Variants in ERBB4 observed in about 807,000 individuals in gnomAD.
ERBB4 encodes the protein receptor tyrosine-protein kinase erbB-4.
ERBB4 carries 42 observed loss-of-function variants against 158.0 expected under a neutral mutation model. The ratio of observed to expected loss-of-function variants is 0.27; its 90% CI spans 0.21 to 0.34. ERBB4 has a LOEUF of 0.34. Ranked by LOEUF, ERBB4 falls within the 10% of genes least tolerant of loss-of-function variation. The pLI, the probability that ERBB4 is intolerant of heterozygous loss-of-function variation, is 1.00. For synonymous variants in ERBB4, 583 were observed against 558.7 expected (o/e 1.04, Z -0.61); for missense variants, 1,333 against 1,624.1 (o/e 0.82, Z 3.08).
intron 7 of ERBB4, among the ~76,000 whole-genome samples, chr2:211,716,478 C>G (rs2073910802): frequency 6.6e-6 from 1 of 151,028 alleles, no homozygotes; most frequent in African/African-American, 2.4e-5. Context: ...AGATCGAGAC[C>G]ATCCCGGCTA....
At chr2:211,607,625 T>C (rs879416567) in intron 19 of ERBB4, among the ~76,000 whole-genome samples, 1 of 152,130 alleles carries the variant, frequency 6.6e-6, no homozygotes, top group African/African-American at 2.4e-5. Flanking sequence ...CTCATTTTTT[T>C]TCTAATCACA....
Position 211,377,279 on chromosome 2 carries a change from T to C in ERBB4, c.*6336A>G, listed in dbSNP as rs2062492218. On this transcript the variant is annotated 3_prime_UTR_variant, in exon 28 of 28. Transcript: ENST00000342788. ...GATTTGCTTTCCTTCACAAAGGCTA[T>C]AGGCCTGGGGGAAATATCTACGCAT... 1 of 233,228 alleles carries C rather than the reference T, an allele frequency of 4.3e-6. No individual in the cohort carries two copies. The highest frequency in any genetic ancestry group is 6.0e-5 in the East Asian group (1 of 16,548). The allele number at this position is 233,228 out of a possible 1,614,324, so 14.4% of individuals were successfully genotyped here. A position where few individuals can be genotyped will look rare whatever the true frequency, so the allele number is the denominator to read the frequency against.
chr2:212,142,706 A>G (rs2080525369), intron 1 of ERBB4, among the ~76,000 whole-genome samples: 2 of 151,326 alleles, frequency 1.3e-5, no homozygotes, highest in South Asian at 4.1e-4. Context: ...AACGTTAGAG[A>G]CAGAAATGGA....
intron 1 of ERBB4, among the ~76,000 whole-genome samples, chr2:212,395,672 T>G (rs912417933): frequency 7.2e-6 from 1 of 139,198 alleles, no homozygotes; most frequent in Non-Finnish European, 1.5e-5. Context: ...CAATCTGGAG[T>G]GCAGTGGCAC....
rs1455486832 is a variant in ERBB4 at position 211,424,300 on chromosome 2, T to G, written c.2721A>C (p.Gly907=). Reference sequence around the variant, plus strand: ...AGGTCATCAGTTCCCATATAGTAACTCCTATATTGGAGAAAAAATTCTTAC... The same window carrying G: ...AGGTCATCAGTTCCCATATAGTAACGCCTATATTGGAGAAAAAATTCTTAC... ...FTHQSDVWSY[G]VTIWELMTFG... Residue 907 remains glycine, a splice_region_variant and synonymous_variant, in exon 23 of 28, where the codon GGA becomes GGC. Transcript: ENST00000342788. 1.9e-6 allele frequency: 3 copies of G among 1,611,178 alleles called. No homozygotes were observed. The Admixed American group carries it at 5.0e-5, about 27-fold the overall frequency.
Position 211,860,943 on chromosome 2 carries a change from ATT to A in ERBB4, c.422-72786_422-72785del, listed in dbSNP as rs1491156300. Among the ~76,000 whole-genome samples the A allele has an allele frequency of 7.3e-4, 77 of 105,066 alleles. 1 individual carries two copies. Among genetic ancestry groups the A allele is most frequent in the South Asian group, 1.6e-3 (5 of 3,206 alleles). 68.9% of individuals were successfully genotyped at this position (105,066 alleles called of 152,430 possible). A position where few individuals can be genotyped will look rare whatever the true frequency, so the allele number is the denominator to read the frequency against. On this transcript the variant is annotated intron_variant, in intron 3 of 27. Coordinates refer to ENST00000342788, the MANE Select transcript of ERBB4 (RefSeq NM_005235.3). ...AAAGACAATATATTACATTATATAT[ATT>A]TTATATATATATAAATATATAAATA...
chr2:212,061,263 G>A (rs2125421848), intron 2 of ERBB4, among the ~76,000 whole-genome samples: 1 of 151,258 alleles, frequency 6.6e-6, no homozygotes, highest in East Asian at 2.0e-4. Flanking sequence ...TTGAGACCTT[G>A]CCAACATTGT....
At chr2:212,067,532 C>T (rs2077980793) in intron 2 of ERBB4, among the ~76,000 whole-genome samples, 1 of 151,872 alleles carries the variant, frequency 6.6e-6, no homozygotes, top group Non-Finnish European at 1.5e-5. Context: ...TCCTGAAGTC[C>T]TACAGGCCAA....
intron 1 of ERBB4, among the ~76,000 whole-genome samples, chr2:212,537,555 G>A (rs1316495793): frequency 1.3e-5 from 2 of 151,992 alleles, no homozygotes; most frequent in Admixed American, 1.3e-4. Flanking sequence ...CAGTGGCCGC[G>A]CACCCATCGC....
intron 2 of ERBB4, among the ~76,000 whole-genome samples, chr2:212,003,206 ACAGAAAG>A (rs1465580371): frequency 2.1e-5 from 1 of 46,986 alleles, no homozygotes; most frequent in Admixed American, 2.5e-4. Flanking sequence ...AGAAAGAAAG[ACAGAAAG>A]AAGGAAGGAA....
intron 2 of ERBB4, among the ~76,000 whole-genome samples, chr2:212,116,639 G>T (rs1451858848): frequency 6.6e-6 from 1 of 151,988 alleles, no homozygotes; most frequent in African/African-American, 2.4e-5. Flanking sequence ...TAGAGACAGG[G>T]TCTCACTATG....
At chr2:212,416,204 G>A (rs188586679) in intron 1 of ERBB4, among the ~76,000 whole-genome samples, 24 of 152,248 alleles carry the variant, frequency 1.6e-4, no homozygotes, top group African/African-American at 5.8e-4. Flanking sequence ...CTCCAAATGA[G>A]TCCACCCATA....
intron 17 of ERBB4, among the ~76,000 whole-genome samples, chr2:211,629,748 CT>C (rs1156267372): frequency 6.6e-6 from 1 of 151,924 alleles, no homozygotes; most frequent in Non-Finnish European, 1.5e-5. Flanking sequence ...TGCCGCCTAT[CT>C]ACAACTATTT....
chr2:211,982,581 T>C (rs909945709), intron 2 of ERBB4, among the ~76,000 whole-genome samples: 1 of 152,136 alleles, frequency 6.6e-6, no homozygotes, highest in Non-Finnish European at 1.5e-5. Context: ...CCACTGTCAG[T>C]AAAAATTGTG....
chr2:211,623,020 TATATATATATATATATATATATATAA>T (rs1331057066), intron 18 of ERBB4, among the ~76,000 whole-genome samples: 8 of 73,898 alleles, frequency 1.1e-4, no homozygotes, highest in African/African-American at 7.0e-4. Context: ...TATATATATA[TATATATATATATATATATATATATAA>T]AATGCCAAAG....
At chr2:211,885,522 C>G (rs2078776522) in intron 3 of ERBB4, among the ~76,000 whole-genome samples, 1 of 151,866 alleles carries the variant, frequency 6.6e-6, no homozygotes, top group African/African-American at 2.4e-5. Flanking sequence ...CTGGCATGAT[C>G]TCGGCTCACT....
Position 212,003,256 on chromosome 2 carries a change from G to GGAAA in ERBB4, c.235-55644_235-55641dup, listed in dbSNP as rs1414224611. On this transcript the variant is annotated intron_variant, in intron 2 of 27. Transcript: ENST00000342788. ...AGGAAGGAAGGAAGGAAGGAAGGAA[G>GGAAA]GAAAGAGAGAGAAAGACAATACAAA... Among the ~76,000 whole-genome samples the GGAAA allele has an allele frequency of 9.2e-3, 850 of 92,262 alleles. 92 individuals carry two copies. The highest frequency in any genetic ancestry group is 0.017 in the African/African-American group (471 of 27,352). 60.5% of individuals were successfully genotyped at this position (92,262 alleles called of 152,430 possible). A position where few individuals can be genotyped will look rare whatever the true frequency, so the allele number is the denominator to read the frequency against.
chr2:211,787,990 C>G (rs774960933), intron 4 of ERBB4, 35 bp downstream of exon 4: 2 of 1,604,764 alleles, frequency 1.2e-6, no homozygotes, highest in South Asian at 2.2e-5. Context: ...TAGGGTAGAA[C>G]ATTTTGAGAA....
intron 20 of ERBB4, among the ~76,000 whole-genome samples, chr2:211,553,763 G>C (rs1042062029): frequency 5.3e-5 from 8 of 152,128 alleles, no homozygotes; most frequent in Admixed American, 2.0e-4. Context: ...ATAGAGATGA[G>C]ATTTGAACCC....
Sources: gnomAD v4.1 joint callset for allele counts (sites outside exome capture counted in the v4.1 genomes callset) on GRCh38, gnomAD v4.1.1 for gene constraint, MANE v1.5 for transcripts, NCBI Gene and HGNC (gene_info 2026-07-23, HGNC 2026-07-21) for gene names.